The following LGSN variants were observed in gnomAD, a reference collection of about 807,000 sequenced individuals.
LGSN encodes lengsin.
Under a neutral mutation model 19.5 loss-of-function variants are expected in LGSN, and 21 were observed. The observed-to-expected ratio is 1.07, with a 90% confidence interval of 0.76 to 1.55. The LOEUF is 1.55. Among genes scored for constraint, LGSN ranks in the 40% most tolerant of loss-of-function variants. The probability of loss-of-function intolerance (pLI) is 0.00; values close to 1 mark genes in which losing one functional copy is unlikely to be tolerated. For missense variants in LGSN, 673 were observed against 608.5 expected (o/e 1.11, Z -1.12); for synonymous variants, 257 against 215.6 (o/e 1.19, Z -1.68).
chr6:63,367,823 G>A, the LGSN span, among the ~76,000 whole-genome samples: 3 of 151,650 alleles, frequency 2.0e-5, no homozygotes, highest in Non-Finnish European at 4.4e-5. Flanking sequence ...CCATCATTCT[G>A]AGCAAACTAT....
the LGSN span, among the ~76,000 whole-genome samples, chr6:63,356,481 G>A: frequency 1.3e-5 from 2 of 152,144 alleles, no homozygotes; most frequent in East Asian, 3.9e-4. Flanking sequence ...GGCAGAGGTT[G>A]CAGTGAGCTG....
At chr6:63,428,267 A>G in the LGSN span, among the ~76,000 whole-genome samples, 1 of 152,150 alleles carries the variant, frequency 6.6e-6, no homozygotes, top group Non-Finnish European at 1.5e-5. Context: ...ATTTAAGTAA[A>G]GCTACTTTTA....
the LGSN span, among the ~76,000 whole-genome samples, chr6:63,498,714 G>A: frequency 2.0e-5 from 3 of 152,142 alleles, no homozygotes; most frequent in Admixed American, 6.5e-5. Flanking sequence ...TTGTTCTGTC[G>A]GTGAGACAAG....
intron 1 of LGSN, among the ~76,000 whole-genome samples, chr6:63,306,099 C>T (rs186331753): frequency 1.3e-5 from 2 of 152,126 alleles, no homozygotes; most frequent in Admixed American, 1.3e-4. Context: ...TAAAATAATA[C>T]CTATAAAAAT....
At chr6:63,368,551 G>A in the LGSN span, among the ~76,000 whole-genome samples, 1 of 152,032 alleles carries the variant, frequency 6.6e-6, no homozygotes. Context: ...TTCAGTAATT[G>A]TTTCCCGGTA....
At chr6:63,383,415 C>A in the LGSN span, among the ~76,000 whole-genome samples, 5 of 151,524 alleles carry the variant, frequency 3.3e-5, no homozygotes, top group Non-Finnish European at 5.9e-5. Context: ...CTCTTGCATG[C>A]ACATACACAG....
At chr6:63,403,599 G>A in the LGSN span, among the ~76,000 whole-genome samples, 16 of 152,034 alleles carry the variant, frequency 1.1e-4, no homozygotes, top group East Asian at 1.7e-3. Flanking sequence ...AAATAGTTTC[G>A]GGGGAAGATC....
At chr6:63,282,246 A>G (rs1369306263) in intron 3 of LGSN, among the ~76,000 whole-genome samples, 1 of 152,234 alleles carries the variant, frequency 6.6e-6, no homozygotes, top group African/African-American at 2.4e-5. Context: ...GATGGAGAAA[A>G]ATCACTGAGT....
chr6:63,358,776 A>G, the LGSN span, among the ~76,000 whole-genome samples: 1 of 152,338 alleles, frequency 6.6e-6, no homozygotes, highest in South Asian at 2.1e-4. Context: ...TGTCACCTGC[A>G]AACAGGGACA....
At chr6:63,531,228 T>C in the LGSN span, among the ~76,000 whole-genome samples, 1 of 152,138 alleles carries the variant, frequency 6.6e-6, no homozygotes, top group African/African-American at 2.4e-5. Flanking sequence ...GCAGAGACTG[T>C]CCACCTCTAA....
the LGSN span, among the ~76,000 whole-genome samples, chr6:63,344,346 T>C: frequency 6.6e-6 from 1 of 152,222 alleles, no homozygotes; most frequent in Non-Finnish European, 1.5e-5. Context: ...AATCCAAAAC[T>C]ATCTATCCAG....
At chr6:63,554,938 A>G in the LGSN span, among the ~76,000 whole-genome samples, 10 of 152,232 alleles carry the variant, frequency 6.6e-5, no homozygotes, top group Admixed American at 2.0e-4. Flanking sequence ...TTAGAATCAT[A>G]CAAAGAGACA....
chr6:63,560,284 G>A, the LGSN span, among the ~76,000 whole-genome samples: 1 of 144,742 alleles, frequency 6.9e-6, no homozygotes, highest in South Asian at 2.2e-4. Context: ...GTTAAAGTGA[G>A]CTGAGATCAC....
the LGSN span, among the ~76,000 whole-genome samples, chr6:63,349,816 G>A: frequency 1.3e-5 from 2 of 152,176 alleles, no homozygotes; most frequent in Non-Finnish European, 1.5e-5. Context: ...TGAGTTCTGT[G>A]CTCAAGTTAT....
the LGSN span, among the ~76,000 whole-genome samples, chr6:63,520,683 G>T: frequency 1.4e-5 from 2 of 146,896 alleles, no homozygotes; most frequent in Admixed American, 6.8e-5. Context: ...AATGAAAATA[G>T]ATATCTGAAA....
intron 1 of LGSN, among the ~76,000 whole-genome samples, chr6:63,295,470 T>C (rs2127388317): frequency 6.6e-6 from 1 of 152,280 alleles, no homozygotes; most frequent in African/African-American, 2.4e-5. Flanking sequence ...TCTGAAGAAT[T>C]GTATTCTCTG....
the LGSN span, among the ~76,000 whole-genome samples, chr6:63,362,313 A>C: frequency 2.0e-5 from 3 of 152,194 alleles, no homozygotes; most frequent in Admixed American, 6.5e-5. Context: ...AAGACGGGTG[A>C]TTTCTGCATT....
upstream of LGSN, among the ~76,000 whole-genome samples, chr6:63,320,843 G>A (rs1769055210): frequency 6.6e-6 from 1 of 152,174 alleles, no homozygotes; most frequent in Non-Finnish European, 1.5e-5. Flanking sequence ...GGAAGACCAA[G>A]CCAATACTTA....
the LGSN span, among the ~76,000 whole-genome samples, chr6:63,362,562 C>G: frequency 2.6e-5 from 4 of 152,242 alleles, no homozygotes; most frequent in African/African-American, 9.6e-5. Context: ...CCCCGCCTGG[C>G]TCAGAGGGTC....
Sources: allele counts gnomAD v4.1 joint callset (sites outside exome capture counted in the v4.1 genomes callset), GRCh38; gene constraint gnomAD v4.1.1; transcripts MANE v1.5; gene names NCBI Gene and HGNC (gene_info 2026-07-23, HGNC 2026-07-21).